Variants in NDE1 observed in about 807,000 individuals in gnomAD.
NDE1 encodes the protein nudE neurodevelopment protein 1.
A neutral mutation model predicts 43.4 loss-of-function variants in NDE1; 28 were observed. That is an observed-to-expected ratio of 0.65 (90% CI 0.48 to 0.89). NDE1 has a LOEUF of 0.89. Ranked by LOEUF, NDE1 falls within the 40% of genes least tolerant of loss-of-function variation. The pLI, the probability that NDE1 is intolerant of heterozygous loss-of-function variation, is 0.00. For synonymous variants in NDE1, 184 were observed against 172.0 expected, an observed-to-expected ratio of 1.07 and a Z score of -0.55; for missense variants, 441 against 434.1, an observed-to-expected ratio of 1.02 and a Z score of -0.14.
upstream of NDE1, among the ~76,000 whole-genome samples, chr16:15,647,427 C>A (rs368547005): frequency 2.0e-4 from 30 of 152,118 alleles, no homozygotes; most frequent in Non-Finnish European, 7.4e-5. Flanking sequence ...TAACTTCCTG[C>A]ACCTTTATTT....
At chr16:15,666,766 G>C (rs937275631) in intron 2 of NDE1, among the ~76,000 whole-genome samples, 2 of 152,108 alleles carry the variant, frequency 1.3e-5, no homozygotes, top group African/African-American at 4.8e-5. Context: ...GACTACAGGC[G>C]TGTGCCACCA....
chr16:15,691,471 T>C, intron 6 of NDE1, 148 bp downstream of exon 6: 3 of 921,980 alleles, frequency 3.3e-6, no homozygotes, highest in South Asian at 3.1e-5. Flanking sequence ...GACTGGGATG[T>C]TCTTGGGGAT....
At position 15,714,937 on chromosome 16, in the gene NDE1, C is replaced by T. The variant is rs757099566; in HGVS notation, c.948-9254C>T. The T allele has an allele frequency of 2.1e-5, 34 of 1,613,940 alleles. No individual in the cohort carries two copies. Among genetic ancestry groups the T allele is most frequent in the South Asian group, 3.3e-5 (3 of 91,088 alleles). ...AGCTTGCTCTTGAGTGCGTTCACCT[C>T]GCGGCCCATGGCCTCGTTGCTCTCC... On this transcript the variant is annotated intron_variant, in intron 8 of 8. Coordinates refer to ENST00000396354, the MANE Select transcript of NDE1 (RefSeq NM_017668.3).
chr16:15,720,400 C>T lies in NDE1; in HGVS notation c.948-3791C>T, dbSNP rs2040404835. The T allele has an allele frequency of 8.7e-6, 13 of 1,500,072 alleles. No individual in the cohort carries two copies. The East Asian group carries it at 3.2e-4, about 37-fold the overall frequency. 92.9% of individuals were successfully genotyped at this position (1,500,072 alleles called of 1,614,324 possible). Reference sequence around the variant, plus strand: ...AGGCAGCACATCACTGCACCCCTTCCCCAGCACAGCCCCCTTGTGAGGTGG... The same window carrying T: ...AGGCAGCACATCACTGCACCCCTTCTCCAGCACAGCCCCCTTGTGAGGTGG... On this transcript the variant is annotated intron_variant, in intron 8 of 8. Transcript: ENST00000396354.
chr16:15,688,269 T>C (rs551210398), intron 5 of NDE1, among the ~76,000 whole-genome samples: 1 of 152,296 alleles, frequency 6.6e-6, no homozygotes, highest in African/African-American at 2.4e-5. Context: ...TATATTTGGC[T>C]AAAACTTTGA....
chr16:15,696,992 C>T (rs2039048358), intron 8 of NDE1, 132 bp downstream of exon 8: 3 of 1,537,532 alleles, frequency 2.0e-6, no homozygotes, highest in African/African-American at 1.4e-5. Context: ...TTATCCTCTC[C>T]TCTGCTCCCT....
At chr16:15,723,925 A>C (rs578064235) in intron 8 of NDE1, among the ~76,000 whole-genome samples, 1 of 152,336 alleles carries the variant, frequency 6.6e-6, no homozygotes, top group East Asian at 1.9e-4. Flanking sequence ...GGTGACCCTC[A>C]TGGTGCTGGT....
chr16:15,714,024 G>C (rs1157484663), intron 8 of NDE1: 1 of 152,358 alleles, frequency 6.6e-6, no homozygotes, highest in African/African-American at 2.4e-5. Flanking sequence ...GTACTGGTTG[G>C]CCCGGTAGAA....
chr16:15,658,945 C>T (rs1170610550), intron 1 of NDE1, among the ~76,000 whole-genome samples: 2 of 152,206 alleles, frequency 1.3e-5, no homozygotes, highest in Admixed American at 6.5e-5. Flanking sequence ...GCATGAGCCA[C>T]CACGTCTGGC....
intron 1 of NDE1, 76 bp from the exon 2 acceptor site, chr16:15,664,660 T>C: frequency 1.2e-6 from 1 of 858,524 alleles, no homozygotes; most frequent in East Asian, 2.5e-5. Flanking sequence ...TGGCCAAGTT[T>C]TTTTTTTTTT....
In NDE1 at chr16:15,717,331, G is replaced by A. The variant is rs190675029; in HGVS notation, c.948-6860G>A. On this transcript the variant is annotated intron_variant, in intron 8 of 8. Transcript: ENST00000396354. ...CCGTGCTGCGCTCTGTGGCCAGCTC[G>A]TTGCTGAGCTGCTCGGCCTGGGGAG... is the stretch of plus-strand genomic sequence containing the variant. 4.2e-5 allele frequency: 68 copies of A among 1,609,010 alleles called. No homozygotes were observed. The East Asian group carries it at 7.6e-4, about 18-fold the overall frequency.
intron 4 of NDE1, among the ~76,000 whole-genome samples, chr16:15,679,281 C>G (rs867870249): frequency 1.3e-5 from 2 of 152,094 alleles, no homozygotes; most frequent in African/African-American, 2.4e-5. Context: ...CTGGCATGAG[C>G]CACTGCACCC....
chr16:15,643,560 G>T, exon 1 of NDE1: 1 of 332,698 alleles, frequency 3.0e-6, no homozygotes, highest in Non-Finnish European at 5.8e-6. Context: ...GAAAAACCCT[G>T]TCCCTTCGGC....
chr16:15,704,309 G>A (rs1196975525), intron 8 of NDE1, among the ~76,000 whole-genome samples: 1 of 152,162 alleles, frequency 6.6e-6, no homozygotes, highest in Non-Finnish European at 1.5e-5. Flanking sequence ...ATCATTGCCA[G>A]TCTTAAGGCA....
chr16:15,696,318 G>A (rs2039009068), intron 7 of NDE1, among the ~76,000 whole-genome samples: 1 of 152,008 alleles, frequency 6.6e-6, no homozygotes, highest in Non-Finnish European at 1.5e-5. Flanking sequence ...TGAGGCTGCA[G>A]TGAGCTGTGA....
chr16:15,718,346 A>G (rs756538881), intron 8 of NDE1: 1 of 1,609,012 alleles, frequency 6.2e-7, no homozygotes, highest in African/African-American at 1.3e-5. Context: ...CCGGTCGCTC[A>G]TGGCCTCCAT....
chr16:15,676,659 C>A (rs555779022), intron 3 of NDE1, among the ~76,000 whole-genome samples: 1 of 151,950 alleles, frequency 6.6e-6, no homozygotes, highest in Non-Finnish European at 1.5e-5. Flanking sequence ...GCACAAACAA[C>A]GGACGTCATT....
chr16:15,708,895 C>G, intron 8 of NDE1: 6 of 1,518,600 alleles, frequency 4.0e-6, no homozygotes, highest in Non-Finnish European at 5.4e-6. Context: ...AGAAGGAGCC[C>G]GGTTAAGTAT....
At position 15,690,433 on chromosome 16, in the gene NDE1, C is replaced by CTG. The variant is rs536660366; in HGVS notation, c.524-710_524-709dup. 6.9e-4 allele frequency among the ~76,000 whole-genome samples: 85 copies of CTG among 122,306 alleles called. 1 individual carries two copies. The South Asian group carries it at 0.024, about 34-fold the overall frequency. The allele number at this position is 122,306 out of a possible 152,430, so 80.2% of individuals were successfully genotyped here. ...GCTGAAGTGGTATGATCATGGCTTA[C>CTG]TGCAGCCTCGACTTACTGGATTAAT... On this transcript the variant is annotated intron_variant, in intron 5 of 8. Coordinates refer to ENST00000396354, the MANE Select transcript of NDE1 (RefSeq NM_017668.3).
Sources: gnomAD v4.1 joint callset for allele counts (sites outside exome capture counted in the v4.1 genomes callset) on GRCh38, gnomAD v4.1.1 for gene constraint, MANE v1.5 for transcripts, NCBI Gene and HGNC (gene_info 2026-07-23, HGNC 2026-07-21) for gene names.